Variants in RBFOX1 observed in about 807,000 individuals in gnomAD.
The protein encoded by RBFOX1 is RNA binding protein fox-1 homolog 1.
RBFOX1 carries 8 observed loss-of-function variants against 57.7 expected under a neutral mutation model. The observed-to-expected ratio is 0.14, with a 90% CI of 0.08 to 0.25. RBFOX1 has a LOEUF of 0.25. RBFOX1 is among the 10% of genes least tolerant of loss of function. The pLI, the probability that RBFOX1 is intolerant of heterozygous loss-of-function variation, is 1.00. For synonymous variants in RBFOX1, 326 were observed against 222.4 expected (o/e 1.47, Z -4.15); for missense variants, 611 against 548.5 (o/e 1.11, Z -1.14).
chr16:6,692,431 C>G (rs1207732955), intron 3 of RBFOX1, among the ~76,000 whole-genome samples: 1 of 152,178 alleles, frequency 6.6e-6, no homozygotes, highest in Non-Finnish European at 1.5e-5. Flanking sequence ...CTACTCATCA[C>G]TGGTACATTA....
Position 5,372,184 on chromosome 16 carries a change from G to A in RBFOX1, c.220-95032G>A, listed in dbSNP as rs28709505. ...GGTTAGGTCAATATTTGATGGCTTAGGCGGGAGGCAGCCAAGGCCAGCTGG... is the reference window on the plus strand; with the variant it reads ...GGTTAGGTCAATATTTGATGGCTTAAGCGGGAGGCAGCCAAGGCCAGCTGG... On this transcript the variant is annotated intron_variant, in intron 1 of 2. Coordinates refer to the RBFOX1 transcript ENST00000585867. Among the ~76,000 whole-genome samples the A allele has an allele frequency of 3.9e-5, 6 of 152,318 alleles. 1 individual carries two copies. In the East Asian group the frequency reaches 7.7e-4, roughly 20 times the overall value.
intron 3 of RBFOX1, among the ~76,000 whole-genome samples, chr16:6,742,557 T>C (rs185051438): frequency 6.6e-6 from 1 of 152,262 alleles, no homozygotes; most frequent in African/African-American, 2.4e-5. Context: ...CAGTTTTATT[T>C]CTGAGTCAAA....
intron 1 of RBFOX1, among the ~76,000 whole-genome samples, chr16:5,358,622 G>C (rs1244103223): frequency 6.6e-6 from 1 of 152,174 alleles, no homozygotes; most frequent in Non-Finnish European, 1.5e-5. Context: ...TCAGGAGTTT[G>C]AGACCAGCCT....
intron 1 of RBFOX1, among the ~76,000 whole-genome samples, chr16:5,462,709 A>C (rs1228515514): frequency 6.6e-6 from 1 of 152,180 alleles, no homozygotes; most frequent in East Asian, 1.9e-4. Context: ...TTAGGAAAGA[A>C]GGAATTGGTG....
chr16:6,264,295 C>T (rs961312086), intron 1 of RBFOX1, among the ~76,000 whole-genome samples: 6 of 152,192 alleles, frequency 3.9e-5, no homozygotes, highest in Admixed American at 3.9e-4. Flanking sequence ...CATAACCATG[C>T]CATATCCCTG....
chr16:5,577,549 C>T (rs1003407581), intron 2 of RBFOX1, among the ~76,000 whole-genome samples: 1 of 152,222 alleles, frequency 6.6e-6, no homozygotes, highest in Admixed American at 6.5e-5. Context: ...CAGCACGGGG[C>T]CTTGTGCTGC....
intron 3 of RBFOX1, among the ~76,000 whole-genome samples, chr16:7,031,748 A>C (rs1411720640): frequency 6.6e-6 from 1 of 152,186 alleles, no homozygotes; most frequent in African/African-American, 2.4e-5. Flanking sequence ...TGTGCCCTCA[A>C]ACAACATCCC....
rs147638038 is a variant in RBFOX1, at chr16:6,309,468, C to G, written c.-126-7527C>G. On this transcript the variant is annotated intron_variant, in intron 1 of 15. Coordinates refer to ENST00000550418, the MANE Select transcript of RBFOX1 (RefSeq NM_018723.4). Reference sequence around the variant, plus strand: ...CCTTGGGTTTTCATTTACAGTTAGGCACTGCAGACACAATTATTGCTGACA... The same window carrying G: ...CCTTGGGTTTTCATTTACAGTTAGGGACTGCAGACACAATTATTGCTGACA... Among the ~76,000 whole-genome samples the G allele has an allele frequency of 2.1e-3, 317 of 152,292 alleles. 6 individuals are homozygous for G. Among genetic ancestry groups the G allele is most frequent in the African/African-American group, 6.9e-3 (286 of 41,560 alleles).
intron 1 of RBFOX1, among the ~76,000 whole-genome samples, chr16:5,425,109 CTATCTATCTATCTTGA>C (rs1178068654): frequency 3.5e-5 from 5 of 141,630 alleles, no homozygotes; most frequent in Non-Finnish European, 6.1e-5. Context: ...ATCTATCTAT[CTATCTATCTATCTTGA>C]GACAGAGTCT....
chr16:6,376,719 G>C (rs763624198), intron 2 of RBFOX1, among the ~76,000 whole-genome samples: 1 of 152,124 alleles, frequency 6.6e-6, no homozygotes, highest in African/African-American at 2.4e-5. Flanking sequence ...AGTATCAGAA[G>C]CTCAGTGGCC....
At chr16:5,856,239 G>GTGTATATATATGTATATATA (rs1313651543) in intron 3 of RBFOX1, among the ~76,000 whole-genome samples, 2 of 23,784 alleles carry the variant, frequency 8.4e-5, no homozygotes, top group Admixed American at 6.2e-4. Context: ...GTATATATAT[G>GTGTATATATATGTATATATA]TGTATATATA....
At chr16:5,503,884 A>G (rs1231753820) in intron 2 of RBFOX1, among the ~76,000 whole-genome samples, 1 of 152,166 alleles carries the variant, frequency 6.6e-6, no homozygotes, top group African/African-American at 2.4e-5. Flanking sequence ...GCCCCTGGCA[A>G]ACACTCATCT....
rs1431131081 is a variant in RBFOX1 at position 7,096,957 on chromosome 16, T to C, written c.27+44859T>C. Among the ~76,000 whole-genome samples the C allele has an allele frequency of 4.0e-5, 5 of 124,948 alleles. No individual in the cohort carries two copies. In the East Asian group the frequency reaches 9.6e-4, roughly 24 times the overall value. The allele number at this position is 124,948 out of a possible 152,430, so 82.0% of individuals were successfully genotyped here. A position where few individuals can be genotyped will look rare whatever the true frequency, so the allele number is the denominator to read the frequency against. ...AAAAAAAAAAAAAAAAAAAAAGGAC[T>C]GAGAATAGGGAAGTGGTGGTTTCCC... On this transcript the variant is annotated intron_variant, in intron 4 of 15. Coordinates refer to ENST00000550418, the MANE Select transcript of RBFOX1 (RefSeq NM_018723.4).
chr16:6,509,710 A>G (rs1220838620), intron 2 of RBFOX1, among the ~76,000 whole-genome samples: 1 of 152,210 alleles, frequency 6.6e-6, no homozygotes, highest in African/African-American at 2.4e-5. Flanking sequence ...TGCAGCACAA[A>G]AGATTAAATG....
intron 1 of RBFOX1, among the ~76,000 whole-genome samples, chr16:5,462,061 T>G (rs2068805119): frequency 6.6e-6 from 1 of 152,040 alleles, no homozygotes; most frequent in Non-Finnish European, 1.5e-5. Context: ...ACACCATCAC[T>G]GGCACTAAAG....
intron 3 of RBFOX1, among the ~76,000 whole-genome samples, chr16:5,631,734 C>G (rs1392681871): frequency 6.6e-6 from 1 of 152,080 alleles, no homozygotes; most frequent in East Asian, 1.9e-4. Context: ...TGAGTTTTGG[C>G]TCTTAGGAGG....
intron 1 of RBFOX1, among the ~76,000 whole-genome samples, chr16:5,370,575 C>G (rs996500656): frequency 4.6e-5 from 7 of 152,010 alleles, no homozygotes; most frequent in Non-Finnish European, 1.5e-5. Flanking sequence ...TCAGCGTAGC[C>G]TCTAATTCCT....
intron 3 of RBFOX1, among the ~76,000 whole-genome samples, chr16:5,801,995 C>G (rs2055073889): frequency 6.6e-6 from 1 of 152,128 alleles, no homozygotes; most frequent in Admixed American, 6.5e-5. Flanking sequence ...CCTGGGTCTG[C>G]TGGAGGCTGC....
At chr16:5,916,589 C>G (rs77317575) in intron 4 of RBFOX1, among the ~76,000 whole-genome samples, 1 of 152,092 alleles carries the variant, frequency 6.6e-6, no homozygotes, top group African/African-American at 2.4e-5. Context: ...TCCTCCACTG[C>G]TTCCCAGCTT....
Sources: gnomAD v4.1 joint callset for allele counts (sites outside exome capture counted in the v4.1 genomes callset) on GRCh38, gnomAD v4.1.1 for gene constraint, MANE v1.5 for transcripts, NCBI Gene and HGNC (gene_info 2026-07-23, HGNC 2026-07-21) for gene names.